SORCS3: variants seen among roughly 807,000 people sequenced by gnomAD.
SORCS3 encodes VPS10 domain-containing receptor SorCS3.
A neutral mutation model predicts 146.3 loss-of-function variants in SORCS3; 57 were observed. The ratio of observed to expected loss-of-function variants is 0.39; its 90% CI spans 0.31 to 0.49. The LOEUF (loss-of-function observed/expected upper bound fraction) is 0.49. SORCS3 is among the 20% of genes least tolerant of loss of function. The pLI is 0.92. For synonymous variants in SORCS3, 653 were observed against 618.5 expected (o/e 1.06, Z -0.83); for missense variants, 1,341 against 1,575.5 (o/e 0.85, Z 2.52).
chr10:104,940,238 A>ATATATATATATATATATATATTTTT (rs1435205868), intron 3 of SORCS3, among the ~76,000 whole-genome samples: 1 of 31,506 alleles, frequency 3.2e-5, no homozygotes, highest in Non-Finnish European at 6.1e-5. Flanking sequence ...ATATATATAT[A>ATATATATATATATATATATATTTTT]TTTTTTTTTT....
chr10:105,045,785 G>C (rs1439093043), intron 5 of SORCS3, among the ~76,000 whole-genome samples: 1 of 152,142 alleles, frequency 6.6e-6, no homozygotes, highest in Non-Finnish European at 1.5e-5. Flanking sequence ...AGGAGCAGAT[G>C]TATCAAGTGG....
At chr10:104,700,468 A>G (rs547205440) in intron 1 of SORCS3, among the ~76,000 whole-genome samples, 2 of 152,234 alleles carry the variant, frequency 1.3e-5, no homozygotes, top group East Asian at 3.9e-4. Context: ...GTAGGTATAT[A>G]TTCTCTTTCT....
chr10:104,931,286 C>T (rs1407793163), intron 3 of SORCS3, among the ~76,000 whole-genome samples: 1 of 152,182 alleles, frequency 6.6e-6, no homozygotes, highest in African/African-American at 2.4e-5. Context: ...CACAGAAAGA[C>T]ACTGCACAAT....
chr10:105,123,187 C>T (rs1394867737), intron 7 of SORCS3, among the ~76,000 whole-genome samples: 2 of 152,240 alleles, frequency 1.3e-5, no homozygotes, highest in African/African-American at 4.8e-5. Flanking sequence ...CCCACCCAGA[C>T]TCTTCATCCC....
chr10:105,195,894 G>T (rs1210679345), intron 14 of SORCS3, among the ~76,000 whole-genome samples: 1 of 152,200 alleles, frequency 6.6e-6, no homozygotes, highest in Non-Finnish European at 1.5e-5. Flanking sequence ...GACCTCCCGG[G>T]AGAGGAAACT....
intron 14 of SORCS3, among the ~76,000 whole-genome samples, chr10:105,179,737 G>C (rs990634017): frequency 6.6e-6 from 1 of 152,172 alleles, no homozygotes; most frequent in Non-Finnish European, 1.5e-5. Context: ...TTTGAAAATG[G>C]TATTGAAACC....
chr10:105,245,129 T>A (rs1177402727), intron 20 of SORCS3, among the ~76,000 whole-genome samples: 3 of 151,150 alleles, frequency 2.0e-5, no homozygotes, highest in Admixed American at 1.3e-4. Context: ...AATAACTATG[T>A]GATCACTTCT....
intron 8 of SORCS3, among the ~76,000 whole-genome samples, chr10:105,140,486 A>G (rs2056087511): frequency 6.6e-6 from 1 of 152,168 alleles, no homozygotes; most frequent in South Asian, 2.1e-4. Flanking sequence ...AAGATACTGA[A>G]TAAGCAACGA....
intron 11 of SORCS3, among the ~76,000 whole-genome samples, chr10:105,160,348 C>T (rs1564770838): frequency 6.6e-6 from 1 of 152,108 alleles, no homozygotes; most frequent in Non-Finnish European, 1.5e-5. Flanking sequence ...GAACAATGGC[C>T]AGGCGCAGTG....
Position 105,217,106 on chromosome 10 carries a change from CT to C in SORCS3, c.2720del (p.Phe907SerfsTer20). 1 of 1,614,072 alleles carries C rather than the reference CT, an allele frequency of 6.2e-7. No individual in the cohort carries two copies. The highest frequency in any genetic ancestry group is 8.5e-7 in the Non-Finnish European group (1 of 1,179,980). The stretch of plus-strand genomic sequence containing the variant: ...ACCTTGGCTCAGACACAGCTGTCCT[CT>C]TCCTGCATGTGGTTTGTAAGTAGGA... Reference protein sequence around the residue: ...NNLGSDTAVLFLHVVCPVEHV... With the variant: ...NNLGSDTAVLXLHVVCPVEHV... On this transcript the variant is annotated frameshift_variant, in exon 19 of 27. Coordinates refer to ENST00000369701, the MANE Select transcript of SORCS3 (RefSeq NM_014978.3). LOFTEE classifies it high-confidence loss of function.
intron 25 of SORCS3, among the ~76,000 whole-genome samples, 159 bp downstream of exon 25, chr10:105,257,083 T>G (rs1166251558): frequency 6.6e-6 from 1 of 152,214 alleles, no homozygotes. Flanking sequence ...TTGAGGGTCA[T>G]GGATTAAATG....
rs2056928642 is a variant in SORCS3, at chr10:105,255,882, C to G, written c.3337+81C>G. 4 of 1,150,244 alleles carry G rather than the reference C, an allele frequency of 3.5e-6. No individual in the cohort carries two copies. In the South Asian group the frequency reaches 4.2e-5, roughly 12 times the overall value. 71.3% of individuals were successfully genotyped at this position (1,150,244 alleles called of 1,614,324 possible). A position where few individuals can be genotyped will look rare whatever the true frequency, so the allele number is the denominator to read the frequency against. ...AAAAGGAGGAGAGAATCATGAAACC[C>G]TGCTGCATAATGTCTGAAAGTGGCT... On this transcript the variant is annotated intron_variant, in intron 24 of 26. Coordinates refer to ENST00000369701, the MANE Select transcript of SORCS3 (RefSeq NM_014978.3).
chr10:104,714,088 A>G (rs889648033), intron 1 of SORCS3, among the ~76,000 whole-genome samples: 3 of 152,206 alleles, frequency 2.0e-5, no homozygotes, highest in African/African-American at 7.2e-5. Context: ...AGCAGAATCC[A>G]TAATGATGAC....
intron 2 of SORCS3, among the ~76,000 whole-genome samples, chr10:104,890,461 T>C (rs1047807734): frequency 5.3e-5 from 8 of 152,330 alleles, no homozygotes; most frequent in Middle Eastern, 6.9e-3. Context: ...TTCCTTGTAA[T>C]GTCTAATCTG....
At chr10:104,851,018 TA>T (rs764949566) in intron 2 of SORCS3, among the ~76,000 whole-genome samples, 1 of 152,202 alleles carries the variant, frequency 6.6e-6, no homozygotes, top group Non-Finnish European at 1.5e-5. Flanking sequence ...CTAAACTACT[TA>T]GTTTGAATTC....
intron 9 of SORCS3, among the ~76,000 whole-genome samples, chr10:105,148,522 A>G (rs1589655805): frequency 6.6e-6 from 1 of 152,140 alleles, no homozygotes; most frequent in African/African-American, 2.4e-5. Flanking sequence ...GACCCAGTGA[A>G]GGAACTTGAC....
chr10:105,039,737 G>A (rs1470119529), intron 4 of SORCS3, among the ~76,000 whole-genome samples: 8 of 152,228 alleles, frequency 5.3e-5, no homozygotes, highest in Admixed American at 3.3e-4. Flanking sequence ...TTATAGGCAT[G>A]AGCCACTGCA....
At chr10:105,016,568 T>TAAC (rs935288535) in intron 4 of SORCS3, among the ~76,000 whole-genome samples, 1 of 152,070 alleles carries the variant, frequency 6.6e-6, no homozygotes. Flanking sequence ...CTAAAAGCAG[T>TAAC]AACAACAACA....
chr10:104,907,033 T>A (rs1036484021), intron 2 of SORCS3, among the ~76,000 whole-genome samples: 4 of 152,106 alleles, frequency 2.6e-5, no homozygotes, highest in Admixed American at 6.6e-5. Context: ...CTGGATATAC[T>A]GTGTGTGTGT....
Sources: gnomAD v4.1 joint callset for allele counts (sites outside exome capture counted in the v4.1 genomes callset) on GRCh38, gnomAD v4.1.1 for gene constraint, MANE v1.5 for transcripts, NCBI Gene and HGNC (gene_info 2026-07-23, HGNC 2026-07-21) for gene names.